TASOR: variants seen among roughly 807,000 people sequenced by gnomAD.
TASOR encodes the protein protein TASOR.
A neutral mutation model predicts 178.6 loss-of-function variants in TASOR; 53 were observed. The observed-to-expected ratio is 0.30, with a 90% CI of 0.24 to 0.37. TASOR has a LOEUF of 0.37. TASOR is among the 10% of genes least tolerant of loss of function. The probability of loss-of-function intolerance (pLI) is 1.00; values close to 1 mark genes in which losing one functional copy is unlikely to be tolerated. For synonymous variants in TASOR, 713 were observed against 696.2 expected (o/e 1.02, Z -0.38); for missense variants, 1,815 against 1,971.4 (o/e 0.92, Z 1.50).
chr3:56,670,721 A>C (rs1299650332), intron 3 of TASOR, among the ~76,000 whole-genome samples: 1 of 151,492 alleles, frequency 6.6e-6, no homozygotes, highest in Non-Finnish European at 1.5e-5. Context: ...AGATCACTTG[A>C]GGTCAGGAGT....
chr3:56,658,983 C>T (rs991679033), intron 11 of TASOR, among the ~76,000 whole-genome samples: 3 of 145,386 alleles, frequency 2.1e-5, no homozygotes, highest in Admixed American at 6.8e-5. Context: ...TGTGTGTGCA[C>T]GCGTGTGTGT....
In TASOR at chr3:56,623,254, T is replaced by A. The variant is rs760803409; in HGVS notation, c.4796A>T (p.His1599Leu). ...QDSYSNFQVY[H>L]SQLNMSHQFS... is the part of the protein sequence containing the mutation. ...CTGATGGGACATATTTAATTGACTA[T>A]GATAAACCTGAAAGTTACTATATGA... Residue 1599 changes from histidine (H) to leucine (L), a missense_variant, in exon 24 of 24, where the codon CAT (histidine) becomes CTT (leucine). Physicochemically the swap from His to Leu is moderately conservative, Grantham distance 99. Transcript: ENST00000683822. The A allele has an allele frequency of 3.1e-6, 5 of 1,613,424 alleles. No individual in the cohort carries two copies. The highest frequency in any genetic ancestry group is 1.1e-5 in the South Asian group (1 of 91,058).
intron 1 of TASOR, among the ~76,000 whole-genome samples, chr3:56,674,104 A>C (rs2107635634): frequency 6.6e-6 from 1 of 151,912 alleles, no homozygotes; most frequent in Admixed American, 6.6e-5. Flanking sequence ...TGTGTATTTC[A>C]GCAAACTACC....
chr3:56,628,684 G>A, intron 18 of TASOR, 70 bp from the exon 19 acceptor site: 1 of 1,072,582 alleles, frequency 9.3e-7, no homozygotes, highest in South Asian at 1.6e-5. Flanking sequence ...CACCAGAAAT[G>A]CAAGATAAAC....
In TASOR at chr3:56,641,399, C is replaced by G; in HGVS notation, c.2569G>C (p.Ala857Pro). The change falls in exon 15 of 24, where the codon GCT becomes CCT. Residue 857 changes from alanine to proline, a missense_variant. Ala to Pro is a conservative substitution (Grantham distance 27, BLOSUM62 -1). Transcript: ENST00000683822. ...EVDATSKYSV[A>P]ISTSEVGTDH... ...GTGCCCACTTCGCTGGTAGAAATAG[C>G]AACAGAATACTTAGATGTTGCATCA... 6.3e-7 allele frequency: 1 copy of G among 1,599,274 alleles called. No homozygotes were observed. The highest frequency in any genetic ancestry group is 8.6e-7 in the Non-Finnish European group (1 of 1,167,242).
intron 19 of TASOR, 45 bp downstream of exon 19, chr3:56,628,447 G>T: frequency 6.5e-7 from 1 of 1,533,286 alleles, no homozygotes; most frequent in South Asian, 1.2e-5. Flanking sequence ...TTTAAAATAA[G>T]GGAGTTTTTA....
rs1393620503 is a variant in TASOR, at chr3:56,648,978, C to T, written c.1441+7G>A. ...TTGTAAAAATTTATTAAAGAGAGAC[C>T]ACCTACCATATGGAGGAACCATCTG... On this transcript the variant is annotated splice_region_variant and intron_variant, in intron 12 of 23. Transcript: ENST00000683822. The T allele has an allele frequency of 1.3e-5, 21 of 1,605,252 alleles. No individual in the cohort carries two copies. The highest frequency in any genetic ancestry group is 1.8e-5 in the Non-Finnish European group (21 of 1,176,920).
intron 14 of TASOR, among the ~76,000 whole-genome samples, chr3:56,645,111 T>C (rs1015449015): frequency 1.3e-5 from 2 of 152,176 alleles, no homozygotes; most frequent in African/African-American, 4.8e-5. Flanking sequence ...CCGTCTCCAC[T>C]AAAGATACAA....
At chr3:56,681,458 C>A (rs2031775056) in intron 1 of TASOR, among the ~76,000 whole-genome samples, 1 of 152,158 alleles carries the variant, frequency 6.6e-6, no homozygotes, top group Non-Finnish European at 1.5e-5. Context: ...GTTTCTCACA[C>A]CAAGTATTTT....
At chr3:56,635,032 G>A (rs2076988660) in intron 17 of TASOR, among the ~76,000 whole-genome samples, 1 of 152,180 alleles carries the variant, frequency 6.6e-6, no homozygotes, top group African/African-American at 2.4e-5. Context: ...AATTGCTGCT[G>A]TAGTATAGGA....
chr3:56,647,567 C>G (rs368499402), intron 13 of TASOR, among the ~76,000 whole-genome samples: 1 of 152,300 alleles, frequency 6.6e-6, no homozygotes, highest in South Asian at 2.1e-4. Context: ...AGAGACAGAA[C>G]AAGATCTGAG....
Position 56,620,685 on chromosome 3 carries a change from A to ATTTC in TASOR, c.*2348_*2351dup, listed in dbSNP as rs1156249374. The ATTTC allele has an allele frequency of 6.6e-6, 1 of 152,204 alleles. No individual in the cohort carries two copies. Among genetic ancestry groups the ATTTC allele is most frequent in the Non-Finnish European group, 1.5e-5 (1 of 68,046 alleles). The allele number at this position is 152,204 out of a possible 1,614,324, so 9.4% of individuals were successfully genotyped here. ...GGTTACTAAGAGTTTTACATAAGTT[A>ATTTC]TTTCTTTAGAGTGACGAAGTGTTAG... On this transcript the variant is annotated 3_prime_UTR_variant, in exon 24 of 24. Coordinates refer to ENST00000683822, the MANE Select transcript of TASOR (RefSeq NM_001365635.2).
At chr3:56,654,957 G>A (rs776072692) in intron 11 of TASOR, among the ~76,000 whole-genome samples, 1 of 152,112 alleles carries the variant, frequency 6.6e-6, no homozygotes, top group African/African-American at 2.4e-5. Context: ...ATAAATGTGT[G>A]AGCCAATTCT....
At chr3:56,656,128 T>C (rs2077463228) in intron 11 of TASOR, among the ~76,000 whole-genome samples, 1 of 151,722 alleles carries the variant, frequency 6.6e-6, no homozygotes, top group East Asian at 1.9e-4. Context: ...AAGAAAAAAA[T>C]AAAACCAATC....
chr3:56,680,964 T>C (rs1321077794), intron 1 of TASOR, among the ~76,000 whole-genome samples: 1 of 152,080 alleles, frequency 6.6e-6, no homozygotes, highest in Non-Finnish European at 1.5e-5. Context: ...CAACAATCTC[T>C]GGATTTTATC....
intron 7 of TASOR, chr3:56,664,123 T>G (rs2077658748): frequency 6.6e-6 from 1 of 151,398 alleles, no homozygotes; most frequent in Admixed American, 6.6e-5. Flanking sequence ...CAGAGAAACC[T>G]CAATCATAAG....
chr3:56,639,177 G>T (rs995193854), intron 16 of TASOR, among the ~76,000 whole-genome samples: 3 of 152,146 alleles, frequency 2.0e-5, no homozygotes, highest in Non-Finnish European at 2.9e-5. Context: ...AGAGTCCTCG[G>T]AAGTCTCAGC....
Position 56,624,474 on chromosome 3 carries a change from G to C in TASOR, c.4483+5C>G, listed in dbSNP as rs1260203931. The C allele has an allele frequency of 3.7e-6, 6 of 1,610,564 alleles. No homozygotes were observed. Among genetic ancestry groups the C allele is most frequent in the South Asian group, 1.1e-5 (1 of 90,474 alleles). On this transcript the variant is annotated splice_donor_5th_base_variant and intron_variant, in intron 23 of 23. Transcript: ENST00000683822. ...TAAAGAAAATGAAAACCACTGAAAAGTTACCTGACTGCGACTCAAGATTCT... is the reference window on the plus strand; with the variant it reads ...TAAAGAAAATGAAAACCACTGAAAACTTACCTGACTGCGACTCAAGATTCT...
At position 56,633,879 on chromosome 3, in the gene TASOR, C is replaced by T. The variant is rs1052069251; in HGVS notation, c.2912G>A (p.Ser971Asn). The T allele has an allele frequency of 2.5e-6, 4 of 1,605,274 alleles. No individual in the cohort carries two copies. Among genetic ancestry groups the T allele is most frequent in the Non-Finnish European group, 2.6e-6 (3 of 1,175,428 alleles). The stretch of plus-strand genomic sequence containing the variant: ...AGAGGATGGAAACTGGTAATCAGAA[C>T]TTCTCTGTCTATTTATTACCCGGGG... ...NDPRVINRQR[S>N]SDYQFPSSPF... The change falls in exon 18 of 24, where the codon AGT (serine) becomes AAT (asparagine). Residue 971 changes from serine to asparagine, a missense_variant. Coordinates refer to ENST00000683822, the MANE Select transcript of TASOR (RefSeq NM_001365635.2).
Sources: allele counts gnomAD v4.1 joint callset (sites outside exome capture counted in the v4.1 genomes callset), GRCh38; gene constraint gnomAD v4.1.1; transcripts MANE v1.5; gene names NCBI Gene and HGNC (gene_info 2026-07-23, HGNC 2026-07-21).